Variants in CACNG4 observed in about 807,000 individuals in gnomAD.
CACNG4 encodes the protein calcium voltage-gated channel auxiliary subunit gamma 4.
CACNG4 carries 8 observed loss-of-function variants against 22.9 expected under a neutral mutation model. The observed-to-expected ratio is 0.35, with a 90% CI of 0.21 to 0.63. The LOEUF is 0.63. Ranked by LOEUF, CACNG4 falls within the 30% of genes least tolerant of loss-of-function variation. The pLI is 0.72. For missense variants in CACNG4, 357 were observed against 455.4 expected, an observed-to-expected ratio of 0.78 and a Z score of 1.97; for synonymous variants, 188 against 191.9, an observed-to-expected ratio of 0.98 and a Z score of 0.17.
At chr17:67,019,818 G>A (rs2035521243) in intron 2 of CACNG4, 1 of 152,238 alleles carries the variant, frequency 6.6e-6, no homozygotes, top group Non-Finnish European at 1.5e-5. Flanking sequence ...CCCATTCATG[G>A]TCCCGGAGTG....
chr17:66,982,452 G>T (rs1363878211), intron 1 of CACNG4, among the ~76,000 whole-genome samples: 1 of 152,140 alleles, frequency 6.6e-6, no homozygotes, highest in East Asian at 1.9e-4. Flanking sequence ...TAGCCACAGA[G>T]CGCTGATTGG....
At chr17:67,003,206 C>G (rs900272843) in intron 1 of CACNG4, among the ~76,000 whole-genome samples, 6 of 151,918 alleles carry the variant, frequency 3.9e-5, no homozygotes, top group Non-Finnish European at 5.9e-5. Flanking sequence ...TTTAATCCCC[C>G]AAATCACCCT....
rs186899898 is a variant in CACNG4, at chr17:66,965,212, G to A, written c.220+81G>A. 5,805 of 637,366 alleles carry A rather than the reference G, an allele frequency of 9.1e-3. 109 individuals carry two copies. The highest frequency in any genetic ancestry group is 0.063 in the African/African-American group (2,921 of 46,290). The allele number at this position is 637,366 out of a possible 1,614,324, so 39.5% of individuals were successfully genotyped here. A position where few individuals can be genotyped will look rare whatever the true frequency, so the allele number is the denominator to read the frequency against. ...TATACACACGCGCGCGCGCGCGCGCGCACACACACACACGCGCACACACTG... is the reference window on the plus strand; with the variant it reads ...TATACACACGCGCGCGCGCGCGCGCACACACACACACACGCGCACACACTG... On this transcript the variant is annotated intron_variant, in intron 1 of 3. Transcript: ENST00000262138.
chr17:66,974,524 A>T (rs1234732221), intron 1 of CACNG4, among the ~76,000 whole-genome samples: 2 of 152,050 alleles, frequency 1.3e-5, no homozygotes, highest in Non-Finnish European at 2.9e-5. Flanking sequence ...GTTCTTGTTG[A>T]TGTCTGGAAA....
At chr17:66,970,501 G>A (rs2035197251) in intron 1 of CACNG4, among the ~76,000 whole-genome samples, 1 of 152,194 alleles carries the variant, frequency 6.6e-6, no homozygotes, top group Non-Finnish European at 1.5e-5. Flanking sequence ...GCATAACTCA[G>A]GAGCACCAAG....
At chr17:66,985,639 C>T (rs865873069) in intron 1 of CACNG4, among the ~76,000 whole-genome samples, 20 of 152,324 alleles carry the variant, frequency 1.3e-4, no homozygotes, top group Middle Eastern at 3.4e-3. Context: ...CCTGAATGCA[C>T]ACATGCAGTC....
intron 1 of CACNG4, among the ~76,000 whole-genome samples, chr17:66,976,492 T>TCTCCATCCTCCCTCTTTCCCTCC (rs2035237281): frequency 1.4e-5 from 2 of 141,556 alleles, no homozygotes; most frequent in East Asian, 2.2e-4. Context: ...TCCTCTATCC[T>TCTCCATCCTCCCTCTTTCCCTCC]CTCCATCCTC....
In CACNG4 at chr17:66,967,342, T is replaced by G. The variant is rs72846229; in HGVS notation, c.220+2211T>G. On this transcript the variant is annotated intron_variant, in intron 1 of 3. Transcript: ENST00000262138. ...AGTGGTTCTGAGGGCCAGAACATCC[T>G]TGTGGGACCCAGGGCTGGGAGAGTG... Among the ~76,000 whole-genome samples the G allele has an allele frequency of 9.3e-3, 1,418 of 152,286 alleles. 18 individuals are homozygous for G. The highest frequency in any genetic ancestry group is 0.031 in the African/African-American group (1,306 of 41,562).
chr17:66,965,163 CACA>C, intron 1 of CACNG4, 32 bp downstream of exon 1: 4 of 1,019,794 alleles, frequency 3.9e-6, no homozygotes, highest in African/African-American at 3.6e-5. Flanking sequence ...CGCCGCCCCA[CACA>C]CACACACACA....
chr17:67,021,731 A>C (rs2035533146), intron 2 of CACNG4: 2 of 152,332 alleles, frequency 1.3e-5, no homozygotes, highest in African/African-American at 4.8e-5. Context: ...CTTCTGTGCC[A>C]GGCCGCAGGG....
intron 1 of CACNG4, among the ~76,000 whole-genome samples, chr17:66,993,242 A>G (rs1370742121): frequency 6.6e-6 from 1 of 152,194 alleles, no homozygotes; most frequent in Non-Finnish European, 1.5e-5. Context: ...GTTTTCCATC[A>G]TTTATTAATG....
intron 1 of CACNG4, among the ~76,000 whole-genome samples, chr17:66,981,651 C>T (rs983574004): frequency 1.3e-5 from 2 of 152,172 alleles, no homozygotes; most frequent in Admixed American, 6.5e-5. Context: ...GGACGGTGCT[C>T]AGGCGAGCCC....
In CACNG4 at chr17:67,031,531, C is replaced by G. The variant is rs1218348778; in HGVS notation, c.*527C>G. On this transcript the variant is annotated 3_prime_UTR_variant, in exon 4 of 4. Transcript: ENST00000262138. The surrounding 1 kb of genome is among the most constrained non-coding windows in gnomAD (Gnocchi z 4.0). Reference sequence around the variant, plus strand: ...CCACCGAAGCTCACTCCCTTCCTCTCCATCTCTCCCTCTCTCCAAGACTCT... The same window carrying G: ...CCACCGAAGCTCACTCCCTTCCTCTGCATCTCTCCCTCTCTCCAAGACTCT... 4 of 457,184 alleles carry G rather than the reference C, an allele frequency of 8.7e-6. No individual in the cohort carries two copies. The highest frequency in any genetic ancestry group is 1.8e-5 in the Non-Finnish European group (4 of 227,102). The allele number at this position is 457,184 out of a possible 1,614,324, so 28.3% of individuals were successfully genotyped here. A position where few individuals can be genotyped will look rare whatever the true frequency, so the allele number is the denominator to read the frequency against.
intron 3 of CACNG4, among the ~76,000 whole-genome samples, chr17:67,025,599 C>T (rs1049577311): frequency 3.3e-5 from 5 of 152,390 alleles, no homozygotes; most frequent in Admixed American, 2.6e-4. Flanking sequence ...CCCCAACCCT[C>T]CTGGCTACAA....
At chr17:67,029,935 G>T (rs531590032) in intron 3 of CACNG4, among the ~76,000 whole-genome samples, 13 of 152,346 alleles carry the variant, frequency 8.5e-5, no homozygotes, top group African/African-American at 2.6e-4. Flanking sequence ...AGACACAAGG[G>T]TGTCCAAGGC....
chr17:66,972,440 G>A (rs996626022), intron 1 of CACNG4, among the ~76,000 whole-genome samples: 4 of 152,136 alleles, frequency 2.6e-5, no homozygotes, highest in South Asian at 4.1e-4. Context: ...AACCAGTAGC[G>A]CTCCTCCTTC....
In CACNG4 at chr17:67,000,544, G is replaced by A. The variant is rs548076093; in HGVS notation, c.221-17645G>A. The stretch of plus-strand genomic sequence containing the variant: ...CCAGGAGAGGGGGCAAGGGTGCAGG[G>A]CGCCTGCTCTGGGACATGGATCCTG... On this transcript the variant is annotated intron_variant, in intron 1 of 3. Coordinates refer to ENST00000262138, the MANE Select transcript of CACNG4 (RefSeq NM_014405.4). Among the ~76,000 whole-genome samples, 325 of 152,292 alleles carry A rather than the reference G, an allele frequency of 2.1e-3. 2 individuals are homozygous for A. The highest frequency in any genetic ancestry group is 7.6e-3 in the African/African-American group (318 of 41,572).
At chr17:67,016,066 A>G (rs3826343) in intron 1 of CACNG4, among the ~76,000 whole-genome samples, 63,989 of 151,630 alleles carry the variant, frequency 0.42, 16,936 homozygotes, top group African/African-American at 0.74. Flanking sequence ...TCAGCCACTC[A>G]TGAAGGAGCG....
rs1223934716 is a variant in CACNG4, at chr17:66,964,873, G to A, written c.-39G>A. 1 of 1,235,022 alleles carries A rather than the reference G, an allele frequency of 8.1e-7. No individual in the cohort carries two copies. Among genetic ancestry groups the A allele is most frequent in the South Asian group, 2.1e-5 (1 of 47,924 alleles). 76.5% of individuals were successfully genotyped at this position (1,235,022 alleles called of 1,614,324 possible). A position where few individuals can be genotyped will look rare whatever the true frequency, so the allele number is the denominator to read the frequency against. On this transcript the variant is annotated 5_prime_UTR_variant, in exon 1 of 4. Coordinates refer to ENST00000262138, the MANE Select transcript of CACNG4 (RefSeq NM_014405.4). ...AGGGAGGAGGGCGGGCGGGCGCGGC[G>A]GGCCGGGCCGGCGGGCGGCGGACTA...
Sources: gnomAD v4.1 joint callset for allele counts (sites outside exome capture counted in the v4.1 genomes callset) on GRCh38, gnomAD v4.1.1 for gene constraint, Gnocchi (gnomAD v3.1) non-coding constraint, MANE v1.5 for transcripts, NCBI Gene and HGNC (gene_info 2026-07-23, HGNC 2026-07-21) for gene names.